Variants in FRMPD4 observed in about 807,000 individuals in gnomAD.
The protein encoded by FRMPD4 is FERM and PDZ domain containing 4, also known as FERM and PDZ domain-containing protein 4.
FRMPD4 carries 22 observed loss-of-function variants against 94.1 expected under a neutral mutation model. The ratio of observed to expected loss-of-function variants is 0.23; its 90% CI spans 0.17 to 0.33. The LOEUF is 0.33. Ranked by LOEUF, FRMPD4 falls within the 10% of genes least tolerant of loss-of-function variation. The pLI is 1.00. For synonymous variants in FRMPD4, 631 were observed against 548.6 expected, an observed-to-expected ratio of 1.15 and a Z score of -2.10; for missense variants, 1,111 against 1,339.9, an observed-to-expected ratio of 0.83 and a Z score of 2.67.
chrX:12,291,910 C>T (rs1329336091), intron 1 of FRMPD4, among the ~76,000 whole-genome samples: 1 of 112,051 alleles, frequency 8.9e-6, no homozygotes, highest in Non-Finnish European at 1.9e-5. Flanking sequence ...TATTTTCCTA[C>T]AAAAGAAACA....
intron 3 of FRMPD4, among the ~76,000 whole-genome samples, chrX:12,005,183 T>C (rs2054545361): frequency 9.1e-6 from 1 of 109,538 alleles, no homozygotes; most frequent in South Asian, 3.9e-4. Flanking sequence ...CTTCTCAAAC[T>C]ATAGAGTGCT....
At chrX:12,030,993 A>T (rs2054688386) in intron 3 of FRMPD4, among the ~76,000 whole-genome samples, 1 of 112,280 alleles carries the variant, frequency 8.9e-6, no homozygotes, top group Admixed American at 9.4e-5. Context: ...GGTAATGAAC[A>T]CATGTAACAA....
chrX:12,702,886 CTT>C (rs1354457243), intron 10 of FRMPD4, among the ~76,000 whole-genome samples: 2 of 112,568 alleles, frequency 1.8e-5, no homozygotes, highest in South Asian at 3.7e-4. Flanking sequence ...CTGAGAAAGA[CTT>C]GGCTCACAAA....
intron 1 of FRMPD4, among the ~76,000 whole-genome samples, chrX:12,232,906 A>T (rs2057029259): frequency 8.9e-6 from 1 of 112,010 alleles, no homozygotes; most frequent in Admixed American, 9.4e-5. Flanking sequence ...GAGTGAGGAG[A>T]AGTAAGTACA....
chrX:12,595,420 A>G (rs987909646), intron 2 of FRMPD4, among the ~76,000 whole-genome samples: 7 of 112,036 alleles, frequency 6.2e-5, no homozygotes, highest in Admixed American at 1.9e-4. Flanking sequence ...AAACTGCTAA[A>G]CATATGTCAT....
chrX:12,673,695 G>T (rs1029880438), intron 4 of FRMPD4, among the ~76,000 whole-genome samples: 2 of 112,124 alleles, frequency 1.8e-5, no homozygotes, highest in African/African-American at 6.5e-5. Context: ...CTGGGAACTT[G>T]TGGGAGCAGA....
At chrX:12,418,866 C>A (rs1250842333) in intron 1 of FRMPD4, among the ~76,000 whole-genome samples, 1 of 111,229 alleles carries the variant, frequency 9.0e-6, no homozygotes, top group East Asian at 2.8e-4. Flanking sequence ...CCAGAAGGGC[C>A]AAAGATGTTA....
At chrX:12,657,040 T>C (rs1466080519) in intron 4 of FRMPD4, among the ~76,000 whole-genome samples, 3 of 108,714 alleles carry the variant, frequency 2.8e-5, no homozygotes, top group Admixed American at 9.9e-5. Context: ...GAGCCAAGAT[T>C]GCATCATTGC....
At chrX:12,671,417 G>A (rs945928381) in intron 4 of FRMPD4, among the ~76,000 whole-genome samples, 2 of 111,691 alleles carry the variant, frequency 1.8e-5, no homozygotes, top group Non-Finnish European at 3.8e-5. Flanking sequence ...AGAAAAGGAT[G>A]AGTTCATGTC....
At chrX:12,143,028 A>G (rs1240651164) in intron 1 of FRMPD4, among the ~76,000 whole-genome samples, 1 of 112,455 alleles carries the variant, frequency 8.9e-6, no homozygotes, top group Non-Finnish European at 1.9e-5. Flanking sequence ...GCTGTAAGAG[A>G]ATGTACATTA....
chrX:11,991,954 T>C (rs1352946072), intron 3 of FRMPD4, among the ~76,000 whole-genome samples: 1 of 111,875 alleles, frequency 8.9e-6, no homozygotes, highest in Non-Finnish European at 1.9e-5. Flanking sequence ...TTGCAAAGAC[T>C]GGCCAATTGT....
intron 3 of FRMPD4, among the ~76,000 whole-genome samples, chrX:11,894,726 G>A (rs780316647): frequency 3.6e-5 from 4 of 112,051 alleles, no homozygotes; most frequent in South Asian, 7.5e-4. Context: ...TAGAAATCCC[G>A]TAGGTTTTAA....
chrX:12,437,855 T>G (rs2057087733), intron 1 of FRMPD4, among the ~76,000 whole-genome samples: 1 of 112,009 alleles, frequency 8.9e-6, no homozygotes, highest in African/African-American at 3.2e-5. Flanking sequence ...ACTGAGAAAT[T>G]AGTCATACTA....
intron 3 of FRMPD4, among the ~76,000 whole-genome samples, chrX:12,610,964 G>A (rs2059177546): frequency 1.8e-5 from 2 of 111,603 alleles, no homozygotes. Flanking sequence ...TTGGTCACCT[G>A]TTGAGCTTGG....
Position 12,452,040 on chromosome X carries a change from C to A in FRMPD4, c.42-46640C>A, listed in dbSNP as rs1490256660. Among the ~76,000 whole-genome samples, 6 of 110,319 alleles carry A rather than the reference C, an allele frequency of 5.4e-5. No individual in the cohort carries two copies. The East Asian group carries it at 1.7e-3, about 31-fold the overall frequency. The stretch of plus-strand genomic sequence containing the variant: ...TATAATTATCTCAGTAGAATATTAT[C>A]TCCTTTGCTGACTCGTTTTTCCTCT... On this transcript the variant is annotated intron_variant, in intron 1 of 16. Coordinates refer to ENST00000675598, the MANE Select transcript of FRMPD4 (RefSeq NM_001368397.1).
At chrX:12,649,964 C>G (rs1167137340) in intron 4 of FRMPD4, among the ~76,000 whole-genome samples, 1 of 112,867 alleles carries the variant, frequency 8.9e-6, no homozygotes, top group Non-Finnish European at 1.9e-5. Flanking sequence ...TTTCACCCAT[C>G]TGCCCCTGCA....
At chrX:12,479,196 A>T (rs73192451) in intron 1 of FRMPD4, among the ~76,000 whole-genome samples, 8,806 of 109,186 alleles carry the variant, frequency 0.081, 303 homozygotes, top group East Asian at 0.15. Context: ...CAGATTTAAA[A>T]GTATATTTAT....
In FRMPD4 at chrX:12,659,396, G is replaced by A. The variant is rs188451498; in HGVS notation, c.423-15467G>A. Among the ~76,000 whole-genome samples, 170 of 112,495 alleles carry A rather than the reference G, an allele frequency of 1.5e-3. 1 individual carries two copies. The highest frequency in any genetic ancestry group is 2.9e-3 in the Non-Finnish European group (155 of 53,298). On this transcript the variant is annotated intron_variant, in intron 4 of 16. Transcript: ENST00000675598. ...TAGACGGTAAGCTCTGCCAGGTTAG[G>A]TGTTTTATTGACTGTTTTATTTATT... is the stretch of plus-strand genomic sequence containing the variant.
chrX:12,336,929 G>C (rs1484697942), intron 1 of FRMPD4, among the ~76,000 whole-genome samples: 1 of 111,551 alleles, frequency 9.0e-6, no homozygotes, highest in Non-Finnish European at 1.9e-5. Flanking sequence ...CAGAGTAGCA[G>C]GTTTGAATAT....
Sources: allele counts gnomAD v4.1 joint callset (sites outside exome capture counted in the v4.1 genomes callset), GRCh38; gene constraint gnomAD v4.1.1; transcripts MANE v1.5; gene names NCBI Gene and HGNC (gene_info 2026-07-23, HGNC 2026-07-21).